IDO2: variants seen among roughly 807,000 people sequenced by gnomAD.
IDO2 encodes indoleamine 2,3-dioxygenase-like 1 protein.
IDO2 carries 46 observed loss-of-function variants against 45.1 expected under a neutral mutation model. The ratio of observed to expected loss-of-function variants is 1.02; its 90% CI spans 0.80 to 1.30. The LOEUF is 1.30. Ranked by LOEUF, IDO2 falls within the 50% of genes most tolerant of loss-of-function variation. The probability of loss-of-function intolerance (pLI) is 0.00; values close to 1 mark genes in which losing one functional copy is unlikely to be tolerated. For synonymous variants in IDO2, 218 were observed against 184.9 expected (o/e 1.18, Z -1.45); for missense variants, 544 against 491.8 (o/e 1.11, Z -1.00).
chr8:39,981,348 C>G (rs1808348926), intron 4 of IDO2, among the ~76,000 whole-genome samples: 1 of 152,212 alleles, frequency 6.6e-6, no homozygotes, highest in South Asian at 2.1e-4. Flanking sequence ...GCGTGAGCCA[C>G]CGTGCCCGGC....
chr8:39,943,072 T>C (rs1233628035), intron 1 of IDO2, among the ~76,000 whole-genome samples: 1 of 152,100 alleles, frequency 6.6e-6, no homozygotes, highest in East Asian at 1.9e-4. Context: ...AATTTTTTAA[T>C]AATAAAAACT....
chr8:39,978,393 C>A (rs1808293517), intron 3 of IDO2, among the ~76,000 whole-genome samples: 1 of 152,190 alleles, frequency 6.6e-6, no homozygotes, highest in Non-Finnish European at 1.5e-5. Context: ...AATTCAGAGG[C>A]CGCTGCTGTC....
Position 40,013,549 on chromosome 8 carries a change from C to T in IDO2, c.720-16C>T, listed in dbSNP as rs578194903. ...CCCTGCACCCCTTTCATCTCTCTCA[C>T]TTTTCTCTTGCTTAGATGGAAAGAC... is the stretch of plus-strand genomic sequence containing the variant. On this transcript the variant is annotated splice_polypyrimidine_tract_variant and intron_variant, in intron 9 of 10. Coordinates refer to ENST00000502986, the Ensembl canonical transcript of IDO2. 6.2e-6 allele frequency: 10 copies of T among 1,608,634 alleles called. No individual in the cohort carries two copies. In the South Asian group the frequency reaches 1.0e-4, roughly 16 times the overall value.
At chr8:39,963,463 C>T (rs1370603645) in intron 2 of IDO2, 145 bp from the exon 3 acceptor site, 1 of 598,382 alleles carries the variant, frequency 1.7e-6, no homozygotes, top group Non-Finnish European at 3.0e-6. Flanking sequence ...AGCACAGGGC[C>T]TAACTAGCAT....
At chr8:39,940,777 T>C (rs1243322381) in intron 1 of IDO2, among the ~76,000 whole-genome samples, 1 of 151,982 alleles carries the variant, frequency 6.6e-6, no homozygotes, top group Non-Finnish European at 1.5e-5. Context: ...TGTTCTACTC[T>C]CTGCTTCCCA....
At chr8:40,000,272 C>T (rs929194222) in intron 8 of IDO2, among the ~76,000 whole-genome samples, 6 of 151,890 alleles carry the variant, frequency 4.0e-5, no homozygotes, top group African/African-American at 4.8e-5. Context: ...ACTAGCTGGG[C>T]GTAGTGGCGT....
intron 3 of IDO2, among the ~76,000 whole-genome samples, chr8:39,969,905 G>A (rs768278469): frequency 1.9e-4 from 28 of 150,824 alleles, no homozygotes; most frequent in Admixed American, 7.3e-4. Context: ...TCTAAAGCTA[G>A]AAATGATTAA....
chr8:39,968,888 T>TAAAAAAA (rs753978365), intron 3 of IDO2, among the ~76,000 whole-genome samples: 1 of 130,744 alleles, frequency 7.6e-6, no homozygotes. Flanking sequence ...TTTAAAAAAG[T>TAAAAAAA]AAAAAAAAAA....
At chr8:39,949,384 T>C (rs1802547752) in intron 2 of IDO2, 120 bp downstream of exon 2, 4 of 687,770 alleles carry the variant, frequency 5.8e-6, no homozygotes, top group Non-Finnish European at 9.5e-6. Flanking sequence ...GTTGTTTACC[T>C]GAGAAAGATG....
intron 8 of IDO2, among the ~76,000 whole-genome samples, chr8:39,992,106 C>A (rs866520054): frequency 1.3e-5 from 2 of 152,248 alleles, no homozygotes; most frequent in Non-Finnish European, 2.9e-5. Flanking sequence ...TGCCATCCTG[C>A]GCGCTCCTCC....
At chr8:39,971,046 G>A (rs1808171468) in intron 3 of IDO2, among the ~76,000 whole-genome samples, 1 of 152,178 alleles carries the variant, frequency 6.6e-6, no homozygotes, top group Non-Finnish European at 1.5e-5. Context: ...TTACAGGTGT[G>A]AGCCACTGCG....
chr8:39,995,251 C>CCTTCTCCTTCTCCTTCTCCTTCTT (rs1554548607), intron 8 of IDO2: 2 of 78,066 alleles, frequency 2.6e-5, no homozygotes, highest in African/African-American at 5.1e-5. Context: ...TTCTCCTTCT[C>CCTTCTCCTTCTCCTTCTCCTTCTT]CTTCTTCTTC....
intron 4 of IDO2, among the ~76,000 whole-genome samples, chr8:39,981,624 T>G (rs977687259): frequency 1.3e-5 from 2 of 152,192 alleles, no homozygotes; most frequent in Admixed American, 1.3e-4. Flanking sequence ...GCTCAGAAAG[T>G]ACCTGGCTCT....
chr8:39,997,149 A>C (rs966865958), intron 8 of IDO2, among the ~76,000 whole-genome samples: 1 of 152,236 alleles, frequency 6.6e-6, no homozygotes, highest in African/African-American at 2.4e-5. Flanking sequence ...AGCAACTTGC[A>C]TTCAAAATGA....
chr8:39,977,481 A>T (rs1239969282), intron 3 of IDO2, among the ~76,000 whole-genome samples: 3 of 152,200 alleles, frequency 2.0e-5, no homozygotes, highest in Non-Finnish European at 2.9e-5. Context: ...TGAGTTTGAG[A>T]CTAACCTGGG....
intron 2 of IDO2, among the ~76,000 whole-genome samples, chr8:39,961,829 A>T (rs1290981123): frequency 6.6e-6 from 1 of 152,186 alleles, no homozygotes; most frequent in Non-Finnish European, 1.5e-5. Context: ...CACCTAATTC[A>T]TAAACATGGA....
At chr8:40,012,252 T>A (rs1802320427) in intron 9 of IDO2, among the ~76,000 whole-genome samples, 2 of 152,182 alleles carry the variant, frequency 1.3e-5, no homozygotes, top group African/African-American at 4.8e-5. Flanking sequence ...TTTAAACTCA[T>A]AACAGAGAAA....
At chr8:39,970,859 C>T (rs774210560) in intron 3 of IDO2, among the ~76,000 whole-genome samples, 16 of 151,340 alleles carry the variant, frequency 1.1e-4, no homozygotes, top group South Asian at 4.2e-4. Context: ...CTCTGCCTCC[C>T]GGGTTCAAGT....
intron 8 of IDO2, 101 bp downstream of exon 8, chr8:39,989,939 A>C (rs1222858108): frequency 3.0e-6 from 2 of 667,616 alleles, no homozygotes; most frequent in Non-Finnish European, 5.1e-6. Flanking sequence ...GGGGGTGATA[A>C]TACATTCATC....
Sources: allele counts gnomAD v4.1 joint callset (sites outside exome capture counted in the v4.1 genomes callset), GRCh38; gene constraint gnomAD v4.1.1; transcripts MANE v1.5; gene names NCBI Gene and HGNC (gene_info 2026-07-23, HGNC 2026-07-21).